Variants in ERLIN1 observed in about 807,000 individuals in gnomAD.
The protein encoded by ERLIN1 is erlin-1.
A neutral mutation model predicts 46.9 loss-of-function variants in ERLIN1; 24 were observed. That is an observed-to-expected ratio of 0.51 (90% confidence interval 0.37 to 0.72). ERLIN1 has a LOEUF of 0.72. Among genes scored for constraint, ERLIN1 ranks in the 30% least tolerant of loss-of-function variants. The pLI, the probability that ERLIN1 is intolerant of heterozygous loss-of-function variation, is 0.00. For missense variants in ERLIN1, 293 were observed against 417.9 expected, an observed-to-expected ratio of 0.70 and a Z score of 2.61; for synonymous variants, 158 against 143.2, an observed-to-expected ratio of 1.10 and a Z score of -0.74.
intron 7 of ERLIN1, among the ~76,000 whole-genome samples, chr10:100,166,367 G>A (rs1035621105): frequency 1.3e-5 from 2 of 152,006 alleles, no homozygotes; most frequent in Admixed American, 6.6e-5. Flanking sequence ...GGTTGAGACT[G>A]CAGTGAGCCG....
rs776202768 is a variant in ERLIN1 at position 100,152,072 on chromosome 10, T to G, written c.*59A>C. ...AAATCTGAAGAGTCCGTATAATGATTGTTCCCACTTAACCCCTTGGGCCAC... is the reference window on the plus strand; with the variant it reads ...AAATCTGAAGAGTCCGTATAATGATGGTTCCCACTTAACCCCTTGGGCCAC... On this transcript the variant is annotated 3_prime_UTR_variant, in exon 11 of 11. Transcript: ENST00000421367. 6 of 1,027,520 alleles carry G rather than the reference T, an allele frequency of 5.8e-6. No homozygotes were observed. Among genetic ancestry groups the G allele is most frequent in the Non-Finnish European group, 9.2e-6 (6 of 650,244 alleles). The allele number at this position is 1,027,520 out of a possible 1,614,324, so 63.7% of individuals were successfully genotyped here. A position where few individuals can be genotyped will look rare whatever the true frequency, so the allele number is the denominator to read the frequency against.
rs900476948 is a variant in ERLIN1, at chr10:100,165,711, G to A, written c.564-1616C>T. Among the ~76,000 whole-genome samples, 4 of 152,148 alleles carry A rather than the reference G, an allele frequency of 2.6e-5. No individual in the cohort carries two copies. In the South Asian group the frequency reaches 8.3e-4, roughly 32 times the overall value. On this transcript the variant is annotated intron_variant, in intron 7 of 10. Transcript: ENST00000421367. ...CTAAGCAATCATATTTAAAGCCTAA[G>A]ACATGCTGACAGTTTAATAAAATTT... is the stretch of plus-strand genomic sequence containing the variant.
rs1844421766 is a variant in ERLIN1 at position 100,178,164 on chromosome 10, T to TA, written c.272dup (p.Glu92ArgfsTer4). On this transcript the variant is annotated frameshift_variant, in exon 4 of 11. Transcript: ENST00000421367. LOFTEE classifies it high-confidence loss of function. ...AAGGAGCCAACATATTAACCACTTCTATTCGGTCAATATAGATCATGACCC... is the reference window on the plus strand; with the variant it reads ...AAGGAGCCAACATATTAACCACTTCTAATTCGGTCAATATAGATCATGACCC... 2 of 1,579,808 alleles carry TA rather than the reference T, an allele frequency of 1.3e-6. No homozygotes were observed. Among genetic ancestry groups the TA allele is most frequent in the African/African-American group, 2.7e-5 (2 of 74,326 alleles).
intron 4 of ERLIN1, among the ~76,000 whole-genome samples, chr10:100,177,600 T>C (rs1416099986): frequency 6.6e-6 from 1 of 152,260 alleles, no homozygotes; most frequent in Non-Finnish European, 1.5e-5. Context: ...TTAACAAGCA[T>C]GCATATAAGA....
chr10:100,160,698 G>C (rs1203525831), intron 8 of ERLIN1, among the ~76,000 whole-genome samples: 1 of 152,126 alleles, frequency 6.6e-6, no homozygotes, highest in East Asian at 1.9e-4. Flanking sequence ...TGTAATCCTA[G>C]CACTTTGGAA....
intron 6 of ERLIN1, among the ~76,000 whole-genome samples, chr10:100,173,115 T>A (rs893055601): frequency 9.2e-5 from 14 of 152,220 alleles, no homozygotes; most frequent in African/African-American, 3.4e-4. Flanking sequence ...CTTTCAGTCT[T>A]GTTTTTGAGA....
chr10:100,177,129 A>C (rs944106332), intron 4 of ERLIN1, among the ~76,000 whole-genome samples: 1 of 151,988 alleles, frequency 6.6e-6, no homozygotes, highest in Non-Finnish European at 1.5e-5. Context: ...CTCAAAAAAG[A>C]AAAAAAATTA....
At chr10:100,166,053 A>G (rs190897452) in intron 7 of ERLIN1, among the ~76,000 whole-genome samples, 2 of 152,310 alleles carry the variant, frequency 1.3e-5, no homozygotes, top group East Asian at 3.9e-4. Flanking sequence ...TAAGTGGATC[A>G]CATCCATAAT....
intron 8 of ERLIN1, among the ~76,000 whole-genome samples, chr10:100,163,291 A>G (rs546350147): frequency 2.0e-5 from 3 of 152,216 alleles, no homozygotes; most frequent in African/African-American, 7.2e-5. Context: ...TCAACTTCAG[A>G]ATAGAAGTTA....
intron 9 of ERLIN1, 89 bp downstream of exon 9, chr10:100,156,056 C>T: frequency 1.3e-6 from 1 of 792,700 alleles, no homozygotes; most frequent in South Asian, 1.5e-5. Context: ...CTATGGCCTT[C>T]TCACCCACCA....
At position 100,178,206 on chromosome 10, in the gene ERLIN1, GAAAA is replaced by G; in HGVS notation, c.243-16_243-13del. 1 of 1,549,016 alleles carries G rather than the reference GAAAA, an allele frequency of 6.5e-7. No individual in the cohort carries two copies. Among genetic ancestry groups the G allele is most frequent in the Non-Finnish European group, 8.8e-7 (1 of 1,141,984 alleles). On this transcript the variant is annotated splice_polypyrimidine_tract_variant and intron_variant, in intron 3 of 10. Coordinates refer to ENST00000421367, the MANE Select transcript of ERLIN1 (RefSeq NM_006459.4). ...TCATGACCCCACCACTAAAAACAAA[GAAAA>G]AAAGTGTGAACTACTAAAGGCAATC...
At chr10:100,156,052 C>A in intron 9 of ERLIN1, 93 bp downstream of exon 9, 2 of 768,586 alleles carry the variant, frequency 2.6e-6, no homozygotes, top group South Asian at 1.5e-5. Context: ...CTGTCTATGG[C>A]CTTCTCACCC....
Position 100,173,144 on chromosome 10 carries a change from C to G in ERLIN1, c.504+1064G>C, listed in dbSNP as rs116242424. On this transcript the variant is annotated intron_variant, in intron 6 of 10. Transcript: ENST00000421367. ...TTTGAGAAGCACGAACACATACAATCACAGTGAGCGCACACTCTCAGTAGC... is the reference window on the plus strand; with the variant it reads ...TTTGAGAAGCACGAACACATACAATGACAGTGAGCGCACACTCTCAGTAGC... 2.9e-3 allele frequency among the ~76,000 whole-genome samples: 436 copies of G among 152,304 alleles called. 7 individuals are homozygous for G. Among genetic ancestry groups the G allele is most frequent in the African/African-American group, 9.8e-3 (406 of 41,558 alleles).
At chr10:100,159,386 CAGA>C (rs1188643398) in intron 8 of ERLIN1, among the ~76,000 whole-genome samples, 6 of 152,090 alleles carry the variant, frequency 3.9e-5, no homozygotes, top group African/African-American at 1.4e-4. Flanking sequence ...TAGAAGAATA[CAGA>C]AGATGTGAAC....
chr10:100,183,003 C>T (rs1348595889), intron 2 of ERLIN1, among the ~76,000 whole-genome samples: 2 of 152,152 alleles, frequency 1.3e-5, no homozygotes, highest in Admixed American at 6.5e-5. Flanking sequence ...TATAATTAAA[C>T]TCTCACTTAG....
intron 7 of ERLIN1, 27 bp from the exon 8 acceptor site, chr10:100,164,122 A>G (rs757179933): frequency 1.3e-6 from 2 of 1,496,992 alleles, no homozygotes; most frequent in Admixed American, 3.5e-5. Context: ...TATAAAAATT[A>G]GAAATGATTC....
intron 8 of ERLIN1, among the ~76,000 whole-genome samples, chr10:100,163,430 T>C (rs1187783128): frequency 3.3e-5 from 5 of 151,500 alleles, no homozygotes; most frequent in Admixed American, 3.3e-4. Context: ...TAAGCTTTCA[T>C]TATATTGTTC....
At chr10:100,153,592 T>A (rs1014468386) in intron 10 of ERLIN1, among the ~76,000 whole-genome samples, 3 of 152,228 alleles carry the variant, frequency 2.0e-5, no homozygotes, top group Admixed American at 2.0e-4. Flanking sequence ...TGGATCTCTA[T>A]CTTCTCCAGG....
At chr10:100,166,850 G>T (rs1486132772) in intron 7 of ERLIN1, among the ~76,000 whole-genome samples, 1 of 152,158 alleles carries the variant, frequency 6.6e-6, no homozygotes, top group East Asian at 1.9e-4. Context: ...AGACTACCAG[G>T]AGTCAACAGA....
Sources: gnomAD v4.1 joint callset for allele counts (sites outside exome capture counted in the v4.1 genomes callset) on GRCh38, gnomAD v4.1.1 for gene constraint, MANE v1.5 for transcripts, NCBI Gene and HGNC (gene_info 2026-07-23, HGNC 2026-07-21) for gene names.